The following EPHA3 variants were observed in gnomAD, a reference collection of about 807,000 sequenced individuals.
EPHA3 encodes the protein ephrin type-A receptor 3.
EPHA3 carries 42 observed loss-of-function variants against 107.1 expected under a neutral mutation model. The observed-to-expected ratio is 0.39, with a 90% CI of 0.31 to 0.51. The LOEUF is 0.51. EPHA3 is among the 20% of genes least tolerant of loss of function. The pLI is 0.78. For synonymous variants in EPHA3, 461 were observed against 424.8 expected (o/e 1.09, Z -1.05); for missense variants, 1,183 against 1,211.2 (o/e 0.98, Z 0.35).
intron 5 of EPHA3, among the ~76,000 whole-genome samples, chr3:89,351,353 A>C (rs1208919287): frequency 3.3e-5 from 5 of 150,812 alleles, no homozygotes; most frequent in African/African-American, 1.2e-4. Context: ...GAAAAGCGCA[A>C]TATTCGGGTG....
At chr3:89,291,250 G>A (rs1397394166) in intron 3 of EPHA3, among the ~76,000 whole-genome samples, 1 of 152,086 alleles carries the variant, frequency 6.6e-6, no homozygotes, top group Admixed American at 6.6e-5. Context: ...AACTTCTCAT[G>A]CAGTTTATTG....
chr3:89,309,706 G>A (rs1360406286), intron 3 of EPHA3, among the ~76,000 whole-genome samples: 2 of 151,776 alleles, frequency 1.3e-5, no homozygotes, highest in Non-Finnish European at 2.9e-5. Context: ...AATATTTTTG[G>A]TTTCAGGCCA....
intron 2 of EPHA3, among the ~76,000 whole-genome samples, chr3:89,195,710 T>C (rs1445208304): frequency 1.3e-5 from 2 of 152,154 alleles, no homozygotes; most frequent in Non-Finnish European, 2.9e-5. Context: ...GTATCAGTAA[T>C]GAGCAAAATG....
intron 5 of EPHA3, 85 bp downstream of exon 5, chr3:89,342,175 GAA>G (rs750718124): frequency 4.0e-6 from 5 of 1,257,860 alleles, no homozygotes; most frequent in Non-Finnish European, 5.4e-6. Flanking sequence ...TGGGCGGAAG[GAA>G]AAAAAGATTT....
At chr3:89,159,492 G>A (rs1363246964) in intron 2 of EPHA3, among the ~76,000 whole-genome samples, 1 of 152,052 alleles carries the variant, frequency 6.6e-6, no homozygotes, top group Non-Finnish European at 1.5e-5. Context: ...TTGACACCAC[G>A]ACAAGGCTGT....
chr3:89,319,355 T>G (rs1706987362), intron 3 of EPHA3, among the ~76,000 whole-genome samples: 1 of 152,020 alleles, frequency 6.6e-6, no homozygotes, highest in African/African-American at 2.4e-5. Context: ...TTTATTTGTG[T>G]CAATGAATAA....
intron 7 of EPHA3, among the ~76,000 whole-genome samples, chr3:89,402,831 C>T (rs1397032129): frequency 2.6e-5 from 4 of 152,122 alleles, no homozygotes; most frequent in African/African-American, 9.7e-5. Context: ...GCATGTGCCA[C>T]AATGCCCAGC....
At chr3:89,371,334 G>T (rs993974622) in intron 5 of EPHA3, among the ~76,000 whole-genome samples, 1 of 151,656 alleles carries the variant, frequency 6.6e-6, no homozygotes, top group Non-Finnish European at 1.5e-5. Flanking sequence ...TTCCCTGGAA[G>T]ATTACTCTCT....
chr3:89,300,444 A>T (rs1162682003), intron 3 of EPHA3, among the ~76,000 whole-genome samples: 1 of 151,968 alleles, frequency 6.6e-6, no homozygotes, highest in African/African-American at 2.4e-5. Flanking sequence ...ACACACAGAC[A>T]TTCACAACAC....
chr3:89,474,553 C>T (rs1272588974), intron 16 of EPHA3, among the ~76,000 whole-genome samples: 5 of 152,152 alleles, frequency 3.3e-5, no homozygotes, highest in African/African-American at 1.2e-4. Flanking sequence ...ACATCACTGC[C>T]AGATTTTCAA....
chr3:89,165,341 A>G (rs1016313039), intron 2 of EPHA3, among the ~76,000 whole-genome samples: 2 of 152,236 alleles, frequency 1.3e-5, no homozygotes, highest in African/African-American at 4.8e-5. Context: ...TAATCCACCC[A>G]ACATATATTA....
chr3:89,332,310 C>T (rs560348740), intron 3 of EPHA3, among the ~76,000 whole-genome samples: 2 of 152,324 alleles, frequency 1.3e-5, no homozygotes, highest in Non-Finnish European at 2.9e-5. Context: ...TTTAGTGTTA[C>T]TGGCACCTGT....
chr3:89,208,965 G>A (rs1024864614), intron 2 of EPHA3, among the ~76,000 whole-genome samples: 7 of 152,086 alleles, frequency 4.6e-5, no homozygotes, highest in African/African-American at 1.7e-4. Context: ...AGAAACAACT[G>A]GTCTAATAGT....
chr3:89,148,551 G>GT (rs1424076768), intron 2 of EPHA3, among the ~76,000 whole-genome samples: 2 of 151,982 alleles, frequency 1.3e-5, no homozygotes, highest in Admixed American at 6.6e-5. Context: ...TTTTCTCTAG[G>GT]TTTTTTCTTC....
At chr3:89,397,575 A>G (rs1264203551) in intron 6 of EPHA3, among the ~76,000 whole-genome samples, 2 of 143,582 alleles carry the variant, frequency 1.4e-5, no homozygotes, top group African/African-American at 5.2e-5. Context: ...AACAAGCATC[A>G]TTGCCTTTTT....
chr3:89,380,698 C>T (rs114273192), intron 5 of EPHA3, among the ~76,000 whole-genome samples: 2,426 of 150,662 alleles, frequency 0.016, 67 homozygotes, highest in African/African-American at 0.056. Context: ...TCAGCAGAGA[C>T]ACAAAGCAAC....
In EPHA3 at chr3:89,449,321, T is replaced by C; in HGVS notation, c.2443T>C (p.Trp815Arg). The part of the protein sequence containing the change: ...SDVWSYGIVL[W>R]EVMSYGERPY... ...TGTATGGAGTTATGGGATTGTTCTC[T>C]GGGAGGTGATGTCTTATGGAGAGAG... Residue 815 changes from tryptophan (W) to arginine (R), a missense_variant, in exon 14 of 17, where the codon TGG (tryptophan) becomes CGG (arginine). By Grantham distance (101) the Trp-to-Arg change is moderately radical. Transcript: ENST00000336596. 6.2e-7 allele frequency: 1 copy of C among 1,611,080 alleles called. No homozygotes were observed. The highest frequency in any genetic ancestry group is 8.5e-7 in the Non-Finnish European group (1 of 1,177,934).
chr3:89,416,534 T>C (rs193003688), intron 10 of EPHA3, among the ~76,000 whole-genome samples: 1 of 151,610 alleles, frequency 6.6e-6, no homozygotes, highest in East Asian at 1.9e-4. Flanking sequence ...TATTTAAGTA[T>C]ACAATTCAGT....
In EPHA3 at chr3:89,137,989, G is replaced by A. The variant is rs1424133549; in HGVS notation, c.153+10716G>A. On this transcript the variant is annotated intron_variant, in intron 2 of 16. Transcript: ENST00000336596. ...CCAGCAATAGGATTTTTAATAGGCT[G>A]TCCATGGGATTCTGATGCTACTCAA... Among the ~76,000 whole-genome samples the A allele has an allele frequency of 2.6e-5, 4 of 151,862 alleles. No homozygotes were observed. In the East Asian group the frequency reaches 5.8e-4, roughly 22 times the overall value.
Sources: allele counts gnomAD v4.1 joint callset (sites outside exome capture counted in the v4.1 genomes callset), GRCh38; gene constraint gnomAD v4.1.1; transcripts MANE v1.5; gene names NCBI Gene and HGNC (gene_info 2026-07-23, HGNC 2026-07-21).